The following ERC2 variants were observed in gnomAD, a reference collection of about 807,000 sequenced individuals.
ERC2 encodes ERC protein 2.
ERC2 carries 42 observed loss-of-function variants against 114.8 expected under a neutral mutation model. The observed-to-expected ratio is 0.37, with a 90% CI of 0.29 to 0.47. The LOEUF (loss-of-function observed/expected upper bound fraction) is 0.47, where lower values mean the gene tolerates loss of function less well. ERC2 is among the 20% of genes least tolerant of loss of function. The pLI is 0.99. For synonymous variants in ERC2, 454 were observed against 425.5 expected (o/e 1.07, Z -0.82); for missense variants, 939 against 1,150.7 (o/e 0.82, Z 2.66).
intron 2 of ERC2, among the ~76,000 whole-genome samples, chr3:56,400,241 G>C (rs773115726): frequency 2.6e-5 from 4 of 152,110 alleles, no homozygotes; most frequent in Non-Finnish European, 4.4e-5. Flanking sequence ...ATTAGATGAG[G>C]AGCTGGTAGT....
intron 17 of ERC2, among the ~76,000 whole-genome samples, chr3:55,545,711 G>A (rs1390437024): frequency 2.6e-5 from 4 of 152,160 alleles, no homozygotes; most frequent in African/African-American, 9.7e-5. Context: ...AGGACAGGAG[G>A]AGACTTAAAA....
intron 17 of ERC2, among the ~76,000 whole-genome samples, chr3:55,626,776 A>G (rs1055452891): frequency 2.6e-5 from 4 of 152,254 alleles, no homozygotes; most frequent in African/African-American, 9.6e-5. Flanking sequence ...TCATCTGTGT[A>G]TAACAGCACA....
At chr3:56,384,111 T>C (rs1576691840) in intron 2 of ERC2, among the ~76,000 whole-genome samples, 1 of 152,290 alleles carries the variant, frequency 6.6e-6, no homozygotes. Context: ...GAGGGACATA[T>C]ATTTGGATTG....
intron 13 of ERC2, among the ~76,000 whole-genome samples, chr3:55,890,691 A>T (rs1024149566): frequency 1.3e-5 from 2 of 152,230 alleles, no homozygotes; most frequent in South Asian, 4.1e-4. Context: ...ACAGAGTTGT[A>T]ACTGATGGAG....
chr3:55,765,162 G>A (rs2149006087), intron 14 of ERC2, among the ~76,000 whole-genome samples: 1 of 152,162 alleles, frequency 6.6e-6, no homozygotes, highest in Middle Eastern at 3.4e-3. Context: ...TTTTTTGACT[G>A]AATAAAACTG....
At chr3:56,339,417 G>A (rs2057997671) in intron 2 of ERC2, among the ~76,000 whole-genome samples, 1 of 152,082 alleles carries the variant, frequency 6.6e-6, no homozygotes, top group Admixed American at 6.5e-5. Context: ...AGGGAACTGG[G>A]AGGAAGGACA....
chr3:56,222,925 G>A (rs1351577919), intron 3 of ERC2, among the ~76,000 whole-genome samples: 1 of 152,202 alleles, frequency 6.6e-6, no homozygotes, highest in Non-Finnish European at 1.5e-5. Flanking sequence ...CCTCCATCCT[G>A]GGAACAAGCA....
chr3:56,352,190 C>T (rs57665358), intron 2 of ERC2, among the ~76,000 whole-genome samples: 3,013 of 152,142 alleles, frequency 0.02, 104 homozygotes, highest in African/African-American at 0.066. Context: ...TAGATAACAG[C>T]GTGGAAAGAT....
intron 3 of ERC2, among the ~76,000 whole-genome samples, chr3:56,225,507 C>G (rs1047911628): frequency 2.0e-5 from 3 of 152,214 alleles, no homozygotes; most frequent in African/African-American, 7.2e-5. Context: ...AAAATTTTAT[C>G]TTTGCTCTCT....
chr3:56,425,278 T>C (rs908711236), intron 2 of ERC2, among the ~76,000 whole-genome samples: 9 of 151,310 alleles, frequency 5.9e-5, no homozygotes, highest in Non-Finnish European at 1.3e-4. Flanking sequence ...AGGAACAGAG[T>C]CCCTCCATGA....
In ERC2 at chr3:56,138,982, C is replaced by T. The variant is rs73831899; in HGVS notation, c.1473+527G>A. Reference sequence around the variant, plus strand: ...TGGGTAAAAGAAATTGAAGATACTCCTTAGTAAACAAGAACCCTTTGGAAA... The same window carrying T: ...TGGGTAAAAGAAATTGAAGATACTCTTTAGTAAACAAGAACCCTTTGGAAA... On this transcript the variant is annotated intron_variant, in intron 6 of 17. Coordinates refer to ENST00000288221, the MANE Select transcript of ERC2 (RefSeq NM_015576.3). Among the ~76,000 whole-genome samples the T allele has an allele frequency of 4.4e-3, 677 of 152,262 alleles. 5 individuals are homozygous for T. Among genetic ancestry groups the T allele is most frequent in the African/African-American group, 0.016 (646 of 41,548 alleles).
At chr3:56,267,280 T>C (rs555811483) in intron 3 of ERC2, among the ~76,000 whole-genome samples, 23 of 152,326 alleles carry the variant, frequency 1.5e-4, no homozygotes, top group African/African-American at 5.1e-4. Context: ...AATATTATTT[T>C]GCTTTTAATA....
chr3:56,325,077 A>G (rs2057296475), intron 2 of ERC2, among the ~76,000 whole-genome samples: 2 of 151,616 alleles, frequency 1.3e-5, no homozygotes, highest in South Asian at 4.2e-4. Flanking sequence ...TGATCTATCT[A>G]CCTTTAATTT....
chr3:56,228,031 T>A (rs969204997), intron 3 of ERC2, among the ~76,000 whole-genome samples: 1 of 151,984 alleles, frequency 6.6e-6, no homozygotes, highest in Non-Finnish European at 1.5e-5. Context: ...GTAGATACAA[T>A]AGAAATCCAT....
Position 55,886,380 on chromosome 3 carries a change from G to A in ERC2, c.2564+2009C>T, listed in dbSNP as rs187069010. ...AATCAAATCCAAAATGAAGGTGGAA[G>A]CATATGCAATTCCAAAATCTTTCTC... On this transcript the variant is annotated intron_variant, in intron 14 of 17. Coordinates refer to ENST00000288221, the MANE Select transcript of ERC2 (RefSeq NM_015576.3). 8.5e-5 allele frequency among the ~76,000 whole-genome samples: 13 copies of A among 152,144 alleles called. No homozygotes were observed. In the East Asian group the frequency reaches 2.3e-3, roughly 27 times the overall value.
chr3:56,341,966 T>C (rs2058105391), intron 2 of ERC2, among the ~76,000 whole-genome samples: 1 of 152,232 alleles, frequency 6.6e-6, no homozygotes, highest in African/African-American at 2.4e-5. Flanking sequence ...GCAGGCTGGC[T>C]GGAGAGGCAG....
intron 3 of ERC2, among the ~76,000 whole-genome samples, chr3:56,196,297 A>G (rs1415860199): frequency 2.0e-5 from 3 of 152,126 alleles, no homozygotes; most frequent in African/African-American, 7.2e-5. Flanking sequence ...CTCCTCACAG[A>G]GATCTTGATT....
intron 6 of ERC2, among the ~76,000 whole-genome samples, chr3:56,115,128 G>C (rs2079155851): frequency 6.6e-6 from 1 of 152,152 alleles, no homozygotes; most frequent in African/African-American, 2.4e-5. Context: ...TGGGCCCCAA[G>C]AAGGAATTGA....
chr3:56,135,890 G>A (rs999886376), intron 6 of ERC2, among the ~76,000 whole-genome samples: 1 of 152,196 alleles, frequency 6.6e-6, no homozygotes, highest in Non-Finnish European at 1.5e-5. Context: ...TCATGTGTTG[G>A]TGGATGGGGT....
Sources: allele counts gnomAD v4.1 joint callset (sites outside exome capture counted in the v4.1 genomes callset), GRCh38; gene constraint gnomAD v4.1.1; transcripts MANE v1.5; gene names NCBI Gene and HGNC (gene_info 2026-07-23, HGNC 2026-07-21).